SNAPC4: variants seen among roughly 807,000 people sequenced by gnomAD.
The protein encoded by SNAPC4 is small nuclear RNA activating complex polypeptide 4.
SNAPC4 carries 127 observed loss-of-function variants against 151.3 expected under a neutral mutation model. The ratio of observed to expected loss-of-function variants is 0.84; its 90% CI spans 0.73 to 0.97. SNAPC4 has a LOEUF of 0.97. SNAPC4 is among the 50% of genes least tolerant of loss of function. The probability of loss-of-function intolerance (pLI) is 0.00; values close to 1 mark genes in which losing one functional copy is unlikely to be tolerated. For missense variants in SNAPC4, 2,186 were observed against 1,935.0 expected (o/e 1.13, Z -2.43); for synonymous variants, 1,002 against 824.4 (o/e 1.22, Z -3.69).
intron 2 of SNAPC4, among the ~76,000 whole-genome samples, chr9:136,397,749 G>A (rs984669857): frequency 1.3e-5 from 2 of 148,938 alleles, no homozygotes; most frequent in African/African-American, 5.0e-5. Flanking sequence ...TGGGGAGCAC[G>A]TGGGGAGGGG....
rs138220004 is a variant in SNAPC4, at chr9:136,392,083, C to T, written c.834G>A (p.Glu278=). Residue 278 remains glutamate (E), a synonymous_variant, in exon 10 of 24, where the codon GAG becomes GAA. Transcript: ENST00000684778. Reference sequence around the variant, plus strand: ...AGTTCTGCCAGAACTTCCGGATCTCCTCTGCACTGCGGCTGCCTTCAAACT... The same window carrying T: ...AGTTCTGCCAGAACTTCCGGATCTCTTCTGCACTGCGGCTGCCTTCAAACT... ...NINFEGSRSA[E]EIRKFWQNSE... The T allele has an allele frequency of 9.9e-6, 16 of 1,612,430 alleles. No homozygotes were observed. The African/African-American group carries it at 1.7e-4, about 17-fold the overall frequency.
Position 136,379,162 on chromosome 9 carries a change from TGGGCCGG to T in SNAPC4, c.2658_2664del (p.Arg887SerfsTer39), listed in dbSNP as rs1273876476. On this transcript the variant is annotated frameshift_variant, in exon 22 of 24. Coordinates refer to ENST00000684778, the MANE Select transcript of SNAPC4 (RefSeq NM_003086.4). LOFTEE classifies it high-confidence loss of function. Reference sequence around the variant, plus strand: ...AGCAGCTCCGACACAGTCTTGGGCTTGGGCCGGGGGCCGGTTGAAGCCAGCAGGGACG... The same window carrying T: ...AGCAGCTCCGACACAGTCTTGGGCTTGGGCCGGTTGAAGCCAGCAGGGACG... 14 of 1,588,492 alleles carry T rather than the reference TGGGCCGG, an allele frequency of 8.8e-6. No homozygotes were observed. The highest frequency in any genetic ancestry group is 1.0e-5 in the Non-Finnish European group (12 of 1,168,562).
intron 17 of SNAPC4, 34 bp downstream of exon 17, chr9:136,382,219 T>C (rs768193148): frequency 1.9e-6 from 3 of 1,604,662 alleles, no homozygotes; most frequent in African/African-American, 1.3e-5. Flanking sequence ...GGGCACGTGG[T>C]GGCGTGCGCG....
In SNAPC4 at chr9:136,378,258, G is replaced by A. The variant is rs776032723; in HGVS notation, c.3569C>T (p.Ser1190Phe). The change falls in exon 22 of 24, where the codon TCC becomes TTC. Residue 1190 changes from serine (S) to phenylalanine (F), a missense_variant. Physicochemically the swap from Ser to Phe is radical, Grantham distance 155. Coordinates refer to ENST00000684778, the MANE Select transcript of SNAPC4 (RefSeq NM_003086.4). ...TGCTTCAGGAGGGTCAGCGTGGGAG[G>A]ACGTCCTGGGCTCAGGTATCTCCCT... Reference protein sequence around the residue: ...VAREIPEPRTSSHADPPEAEP... With the variant: ...VAREIPEPRTFSHADPPEAEP... 5.6e-6 allele frequency: 9 copies of A among 1,607,854 alleles called. No homozygotes were observed. The highest frequency in any genetic ancestry group is 3.4e-5 in the Admixed American group (2 of 59,194).
At chr9:136,390,456 G>GAGGCA (rs1834028663) in intron 10 of SNAPC4, among the ~76,000 whole-genome samples, 1 of 147,146 alleles carries the variant, frequency 6.8e-6, no homozygotes, top group African/African-American at 2.5e-5. Flanking sequence ...TCGGGAGGCT[G>GAGGCA]AGGCAGGAGA....
At chr9:136,390,399 C>T (rs1834026287) in intron 10 of SNAPC4, among the ~76,000 whole-genome samples, 1 of 151,466 alleles carries the variant, frequency 6.6e-6, no homozygotes, top group Non-Finnish European at 1.5e-5. Flanking sequence ...ACTAAAAATA[C>T]AAAAAATTAG....
rs1454750260 is a variant in SNAPC4, at chr9:136,388,565, C to A, written c.1002G>T (p.Leu334=). 1 of 1,613,964 alleles carries A rather than the reference C, an allele frequency of 6.2e-7. No individual in the cohort carries two copies. Among genetic ancestry groups the A allele is most frequent in the African/African-American group, 1.3e-5 (1 of 74,952 alleles). Residue 334 remains leucine, a synonymous_variant, in exon 11 of 24, where the codon CTG becomes CTT. Coordinates refer to ENST00000684778, the MANE Select transcript of SNAPC4 (RefSeq NM_003086.4). ...LGTSRSAFQC[L]QKFQQHNKAL... is the part of the protein sequence containing the mutation. Reference sequence around the variant, plus strand: ...CTTTGTTGTGCTGCTGGAATTTCTGCAGGCACTGGAAGGCGCTGCGGCTGG... The same window carrying A: ...CTTTGTTGTGCTGCTGGAATTTCTGAAGGCACTGGAAGGCGCTGCGGCTGG...
rs755413591 is a variant in SNAPC4 at position 136,378,154 on chromosome 9, G to C, written c.3673C>G (p.Pro1225Ala). 1 of 1,610,500 alleles carries C rather than the reference G, an allele frequency of 6.2e-7. No homozygotes were observed. The highest frequency in any genetic ancestry group is 8.5e-7 in the Non-Finnish European group (1 of 1,179,354). ...ATEPRGTPGSPSGTQEPRGPL... is the reference protein window; with the variant it reads ...ATEPRGTPGSASGTQEPRGPL... Reference sequence around the variant, plus strand: ...CCCCTGGGCTCCTGTGTCCCTGAGGGGGACCCCGGCGTCCCCCTTGGCTCA... The same window carrying C: ...CCCCTGGGCTCCTGTGTCCCTGAGGCGGACCCCGGCGTCCCCCTTGGCTCA... The change falls in exon 22 of 24, where the codon CCC becomes GCC. Residue 1225 changes from proline (P) to alanine (A), a missense_variant. Physicochemically the swap from Pro to Ala is conservative, Grantham distance 27. Coordinates refer to ENST00000684778, the MANE Select transcript of SNAPC4 (RefSeq NM_003086.4).
At chr9:136,382,140 T>C in intron 17 of SNAPC4, 67 bp from the exon 18 acceptor site, 1 of 1,565,460 alleles carries the variant, frequency 6.4e-7, no homozygotes, top group Non-Finnish European at 8.7e-7. Flanking sequence ...CCCTGCCCAG[T>C]GGCCAGTGCT....
At chr9:136,386,987 C>T (rs1463526254) in intron 13 of SNAPC4, among the ~76,000 whole-genome samples, 4 of 152,182 alleles carry the variant, frequency 2.6e-5, no homozygotes, top group African/African-American at 4.8e-5. Flanking sequence ...TCAAGTGATC[C>T]GCCTGCCTTG....
rs1278438689 is a variant in SNAPC4 at position 136,391,721 on chromosome 9, A to G, written c.975+221T>C. ...TGGGCATGCACCGCTGCATGGGGAGACCTGGAGGACTGGGAAGGCCCAGAG... is the reference window on the plus strand; with the variant it reads ...TGGGCATGCACCGCTGCATGGGGAGGCCTGGAGGACTGGGAAGGCCCAGAG... On this transcript the variant is annotated intron_variant, in intron 10 of 23. Coordinates refer to ENST00000684778, the MANE Select transcript of SNAPC4 (RefSeq NM_003086.4). Among the ~76,000 whole-genome samples the G allele has an allele frequency of 3.3e-5, 5 of 152,332 alleles. No individual in the cohort carries two copies. The East Asian group carries it at 5.8e-4, about 18-fold the overall frequency.
intron 1 of SNAPC4, among the ~76,000 whole-genome samples, chr9:136,399,069 T>C (rs1160022712): frequency 6.6e-6 from 1 of 152,226 alleles, no homozygotes; most frequent in East Asian, 1.9e-4. Context: ...GCTTTTTTCT[T>C]AGGAACTGTG....
In SNAPC4 at chr9:136,394,076, C is replaced by T. The variant is rs545389383; in HGVS notation, c.632+173G>A. ...GGGACCACAGGTGTGCACCACCACACCCAGCTAATTTTTTTACTTTTTGAA... is the reference window on the plus strand; with the variant it reads ...GGGACCACAGGTGTGCACCACCACATCCAGCTAATTTTTTTACTTTTTGAA... On this transcript the variant is annotated intron_variant, in intron 7 of 23. Coordinates refer to ENST00000684778, the MANE Select transcript of SNAPC4 (RefSeq NM_003086.4). Among the ~76,000 whole-genome samples the T allele has an allele frequency of 3.3e-5, 5 of 152,364 alleles. No homozygotes were observed. The East Asian group carries it at 9.6e-4, about 29-fold the overall frequency.
At chr9:136,388,358 C>G in intron 11 of SNAPC4, 86 bp downstream of exon 11, 1 of 1,407,130 alleles carries the variant, frequency 7.1e-7, no homozygotes, top group Non-Finnish European at 9.8e-7. Context: ...CTTGTTGCTT[C>G]TCTGTGAATT....
At chr9:136,388,854 C>T (rs910772482) in intron 10 of SNAPC4, among the ~76,000 whole-genome samples, 1 of 152,180 alleles carries the variant, frequency 6.6e-6, no homozygotes, top group Non-Finnish European at 1.5e-5. Context: ...AAGAAAAATT[C>T]ACAATAGGTA....
chr9:136,388,667 G>A lies in SNAPC4; in HGVS notation c.976-76C>T. 3 of 1,572,652 alleles carry A rather than the reference G, an allele frequency of 1.9e-6. No homozygotes were observed. In the Admixed American group the frequency reaches 5.1e-5, roughly 27 times the overall value. On this transcript the variant is annotated intron_variant, in intron 10 of 23. Transcript: ENST00000684778. ...CCAGATCTGGCTCTGAGTGCCCCAGGGCACAGGTGGGCCCATGAGCCACTG... is the reference window on the plus strand; with the variant it reads ...CCAGATCTGGCTCTGAGTGCCCCAGAGCACAGGTGGGCCCATGAGCCACTG...
intron 5 of SNAPC4, 126 bp from the exon 6 acceptor site, chr9:136,395,004 G>C: frequency 1.1e-6 from 1 of 897,146 alleles, no homozygotes; most frequent in Non-Finnish European, 1.7e-6. Context: ...GTACTGTGAG[G>C]CTGTGGGGGT....
rs775560782 is a variant in SNAPC4, at chr9:136,378,649, G to C, written c.3178C>G (p.Leu1060Val). The change falls in exon 22 of 24, where the codon CTG becomes GTG. Residue 1060 changes from leucine (L) to valine (V), a missense_variant. Leu to Val is a conservative substitution (Grantham distance 32, BLOSUM62 1). Transcript: ENST00000684778. ...ACATGTGGCCCTCCTATGTGCGTCAGGCTGAGGGGCTGGACGGGCAGTGGG... is the reference window on the plus strand; with the variant it reads ...ACATGTGGCCCTCCTATGTGCGTCACGCTGAGGGGCTGGACGGGCAGTGGG... The part of the protein sequence containing the change: ...PTPLPVQPLS[L>V]THIGGPHVAT... The C allele has an allele frequency of 6.5e-7, 1 of 1,528,486 alleles. No individual in the cohort carries two copies. Among genetic ancestry groups the C allele is most frequent in the South Asian group, 1.3e-5 (1 of 79,344 alleles). 94.7% of individuals were successfully genotyped at this position (1,528,486 alleles called of 1,614,324 possible).
rs767605532 is a variant in SNAPC4 at position 136,384,790 on chromosome 9, G to T, written c.1350C>A (p.Ser450Arg). 1.9e-6 allele frequency: 3 copies of T among 1,594,164 alleles called. No homozygotes were observed. Among genetic ancestry groups the T allele is most frequent in the Admixed American group, 3.5e-5 (2 of 57,668 alleles). The change falls in exon 14 of 24, where the codon AGC (serine) becomes AGA (arginine). Residue 450 changes from serine to arginine, a missense_variant. Ser to Arg is a moderately radical substitution (Grantham distance 110). Transcript: ENST00000684778. ...RDRYLRRLHF[S>R]LKKGRWNLKE... Reference sequence around the variant, plus strand: ...TTAAATTCCACCGACCCTTTTTCAAGCTGAAATGTAATCTCCTGAGATACC... The same window carrying T: ...TTAAATTCCACCGACCCTTTTTCAATCTGAAATGTAATCTCCTGAGATACC...
Sources: gnomAD v4.1 joint callset for allele counts (sites outside exome capture counted in the v4.1 genomes callset) on GRCh38, gnomAD v4.1.1 for gene constraint, MANE v1.5 for transcripts, NCBI Gene and HGNC (gene_info 2026-07-23, HGNC 2026-07-21) for gene names.